ZNF385D: variants seen among roughly 807,000 people sequenced by gnomAD.
ZNF385D encodes the protein zinc finger protein 659.
ZNF385D carries 15 observed loss-of-function variants against 35.8 expected under a neutral mutation model. That is an observed-to-expected ratio of 0.42 (90% CI 0.28 to 0.64). The LOEUF (loss-of-function observed/expected upper bound fraction) is 0.64. ZNF385D is among the 30% of genes least tolerant of loss of function. The pLI, the probability that ZNF385D is intolerant of heterozygous loss-of-function variation, is 0.23. For missense variants in ZNF385D, 474 were observed against 494.6 expected (o/e 0.96, Z 0.39); for synonymous variants, 212 against 186.8 (o/e 1.13, Z -1.10).
intron 3 of ZNF385D, among the ~76,000 whole-genome samples, chr3:21,955,292 A>T (rs1702233555): frequency 6.6e-6 from 1 of 152,094 alleles, no homozygotes. Flanking sequence ...ATGGAAACTA[A>T]AGTTCTTACT....
intron 2 of ZNF385D, among the ~76,000 whole-genome samples, chr3:22,174,589 G>A (rs1401553130): frequency 6.6e-6 from 1 of 152,082 alleles, no homozygotes; most frequent in Non-Finnish European, 1.5e-5. Flanking sequence ...ATTTAGCACA[G>A]ACACTCTCAT....
chr3:21,499,249 C>G (rs1706175621), intron 4 of ZNF385D, among the ~76,000 whole-genome samples: 1 of 152,044 alleles, frequency 6.6e-6, no homozygotes, highest in African/African-American at 2.4e-5. Flanking sequence ...CAATGGTAGA[C>G]TGGATAAGGA....
chr3:21,749,153 G>C (rs2069930192), intron 1 of ZNF385D, among the ~76,000 whole-genome samples: 2 of 152,140 alleles, frequency 1.3e-5, no homozygotes, highest in African/African-American at 4.8e-5. Context: ...AAAGTAAGTA[G>C]GACATCACAT....
intron 2 of ZNF385D, among the ~76,000 whole-genome samples, chr3:21,626,790 A>G (rs1559470721): frequency 6.6e-6 from 1 of 152,072 alleles, no homozygotes; most frequent in Non-Finnish European, 1.5e-5. Context: ...AAGGCAGAAT[A>G]GGGAAAGAGA....
intron 3 of ZNF385D, among the ~76,000 whole-genome samples, chr3:21,923,436 G>C (rs947888167): frequency 1.3e-5 from 2 of 152,172 alleles, no homozygotes; most frequent in Non-Finnish European, 2.9e-5. Context: ...CAGCCACTGG[G>C]GAAAGCAGTT....
chr3:21,459,796 T>C (rs1025086266), intron 4 of ZNF385D, among the ~76,000 whole-genome samples: 1 of 152,214 alleles, frequency 6.6e-6, no homozygotes, highest in African/African-American at 2.4e-5. Flanking sequence ...GAATATTTGC[T>C]TCAAATTGCC....
intron 2 of ZNF385D, among the ~76,000 whole-genome samples, chr3:21,607,461 G>T (rs1419037820): frequency 6.6e-6 from 1 of 152,136 alleles, no homozygotes; most frequent in Non-Finnish European, 1.5e-5. Flanking sequence ...TATACTCTTT[G>T]TATTTTTCTA....
chr3:21,834,787 C>A (rs1230393336), intron 3 of ZNF385D, among the ~76,000 whole-genome samples: 1 of 105,350 alleles, frequency 9.5e-6, no homozygotes, highest in African/African-American at 3.7e-5. Flanking sequence ...TGGGGCAGTT[C>A]CCCCATGCTG....
intron 3 of ZNF385D, among the ~76,000 whole-genome samples, chr3:21,781,194 A>G (rs578203394): frequency 2.0e-5 from 3 of 150,530 alleles, no homozygotes; most frequent in Admixed American, 6.6e-5. Flanking sequence ...ATCTGGAAAA[A>G]GTATCTCTTT....
At position 21,706,945 on chromosome 3, in the gene ZNF385D, C is replaced by T. The variant is rs1434360901; in HGVS notation, c.23-41917G>A. On this transcript the variant is annotated intron_variant, in intron 1 of 7. Transcript: ENST00000281523. ...TTCTTCCTCCTTCTTCAAGTAGCTG[C>T]CTCAGCCTTCATCCCTCTGTATGCG... Among the ~76,000 whole-genome samples the T allele has an allele frequency of 5.9e-5, 9 of 152,244 alleles. No individual in the cohort carries two copies. The South Asian group carries it at 1.7e-3, about 28-fold the overall frequency.
chr3:21,576,953 AATC>A (rs2063513868), intron 2 of ZNF385D, among the ~76,000 whole-genome samples: 1 of 152,212 alleles, frequency 6.6e-6, no homozygotes, highest in Non-Finnish European at 1.5e-5. Flanking sequence ...CTAATGATCA[AATC>A]ATGGTAATTA....
chr3:22,059,874 T>C (rs960146595), intron 3 of ZNF385D, among the ~76,000 whole-genome samples: 2 of 152,178 alleles, frequency 1.3e-5, no homozygotes, highest in African/African-American at 4.8e-5. Context: ...AGCATTTGAC[T>C]CAGTAGACTG....
intron 3 of ZNF385D, among the ~76,000 whole-genome samples, chr3:21,819,392 A>C (rs1028357724): frequency 7.9e-5 from 12 of 151,464 alleles, no homozygotes; most frequent in African/African-American, 2.7e-4. Flanking sequence ...AAGGTAACAG[A>C]AAAAAATCTG....
intron 3 of ZNF385D, among the ~76,000 whole-genome samples, chr3:22,020,195 A>G (rs1053872665): frequency 6.6e-6 from 1 of 151,880 alleles, no homozygotes; most frequent in Admixed American, 6.6e-5. Context: ...GAATTCTTAA[A>G]GTGGTGTGGG....
chr3:22,339,886 C>T (rs935590813), intron 2 of ZNF385D, among the ~76,000 whole-genome samples: 1 of 152,326 alleles, frequency 6.6e-6, no homozygotes, highest in African/African-American at 2.4e-5. Context: ...CTCTGGTCCT[C>T]TGATCCTACT....
intron 2 of ZNF385D, among the ~76,000 whole-genome samples, chr3:22,236,888 T>C (rs1338605556): frequency 1.3e-5 from 2 of 152,232 alleles, no homozygotes; most frequent in Non-Finnish European, 2.9e-5. Context: ...GGTTGAATAA[T>C]ATTCTATTGC....
intron 3 of ZNF385D, among the ~76,000 whole-genome samples, chr3:22,136,262 C>T (rs1227317104): frequency 7.2e-5 from 11 of 152,140 alleles, no homozygotes; most frequent in Non-Finnish European, 1.6e-4. Context: ...ATGGCATAGG[C>T]CTGTAGTCCC....
intron 4 of ZNF385D, among the ~76,000 whole-genome samples, chr3:21,444,856 T>G (rs1374591730): frequency 6.6e-6 from 1 of 152,140 alleles, no homozygotes; most frequent in Non-Finnish European, 1.5e-5. Context: ...ATAAACAGAT[T>G]ACAGAAGCAG....
intron 1 of ZNF385D, among the ~76,000 whole-genome samples, chr3:21,697,904 T>A (rs2067528601): frequency 6.6e-6 from 1 of 152,118 alleles, no homozygotes; most frequent in Non-Finnish European, 1.5e-5. Context: ...TGAGATACCA[T>A]CTTACACCAG....
Sources: allele counts gnomAD v4.1 joint callset (sites outside exome capture counted in the v4.1 genomes callset), GRCh38; gene constraint gnomAD v4.1.1; transcripts MANE v1.5; gene names NCBI Gene and HGNC (gene_info 2026-07-23, HGNC 2026-07-21).